SKIL: variants seen among roughly 807,000 people sequenced by gnomAD.
SKIL encodes the protein ski-like protein.
In SKIL, 20 loss-of-function variants were observed where a neutral mutation model predicts 69.6. The ratio of observed to expected loss-of-function variants is 0.29; its 90% CI spans 0.20 to 0.42. SKIL has a LOEUF of 0.42. Among genes scored for constraint, SKIL ranks in the 10% least tolerant of loss-of-function variants. The pLI is 1.00. For missense variants in SKIL, 745 were observed against 783.1 expected (o/e 0.95, Z 0.58); for synonymous variants, 310 against 279.9 (o/e 1.11, Z -1.08).
chr3:170,365,558 GAT>G (rs1736459518), intron 2 of SKIL, among the ~76,000 whole-genome samples: 1 of 152,048 alleles, frequency 6.6e-6, no homozygotes, highest in South Asian at 2.1e-4. Context: ...TCTGATAAGG[GAT>G]ATTCAGCCTC....
rs570953900 is a variant in SKIL, at chr3:170,389,615, G to GA, written c.1430-604dup. Among the ~76,000 whole-genome samples, 340 of 152,248 alleles carry GA rather than the reference G, an allele frequency of 2.2e-3. 1 individual carries two copies. Among genetic ancestry groups the GA allele is most frequent in the African/African-American group, 8.0e-3 (331 of 41,556 alleles). On this transcript the variant is annotated intron_variant, in intron 4 of 6. Coordinates refer to ENST00000259119, the MANE Select transcript of SKIL (RefSeq NM_005414.5). ...AGGCGTGAGCCACCGCGCCTGGCCA[G>GA]AAAAGATTATTCTTTCCTGACTGAA...
intron 5 of SKIL, 22 bp from the exon 6 acceptor site, chr3:170,391,009 CTTGTA>C (rs1335326788): frequency 8.2e-7 from 1 of 1,225,854 alleles, no homozygotes; most frequent in Non-Finnish European, 1.2e-6. Flanking sequence ...TAAAGTAAAA[CTTGTA>C]TTGTGATTCT....
At chr3:170,367,780 T>G (rs11709437) in intron 2 of SKIL, among the ~76,000 whole-genome samples, 116,770 of 152,040 alleles carry the variant, frequency 0.77, 45,648 homozygotes, top group East Asian at 0.94. Context: ...AAATTTAAAC[T>G]TTTAACATTT....
Position 170,394,233 on chromosome 3 carries a change from TCTC to T in SKIL, c.*1819_*1821del. The T allele has an allele frequency of 6.7e-6, 1 of 148,318 alleles. No individual in the cohort carries two copies. Among genetic ancestry groups the T allele is most frequent in the East Asian group, 2.0e-4 (1 of 4,954 alleles). 9.2% of individuals were successfully genotyped at this position (148,318 alleles called of 1,614,324 possible). A position where few individuals can be genotyped will look rare whatever the true frequency, so the allele number is the denominator to read the frequency against. Reference sequence around the variant, plus strand: ...GCTCTGCCTCCTGGGTTCAAGCCATTCTCCTGCCTCAGCCTCCCGAGTAGCTGG... The same window carrying T: ...GCTCTGCCTCCTGGGTTCAAGCCATTCTGCCTCAGCCTCCCGAGTAGCTGG... On this transcript the variant is annotated 3_prime_UTR_variant, in exon 7 of 7. Coordinates refer to ENST00000259119, the MANE Select transcript of SKIL (RefSeq NM_005414.5).
rs987792517 is a variant in SKIL at position 170,357,780 on chromosome 3, C to T, written c.-634+17C>T. On this transcript the variant is annotated intron_variant, in intron 1 of 6. Transcript: ENST00000259119. Reference sequence around the variant, plus strand: ...CGGGCACAGGTGCGGCTCCGGCTTACGGCGGCGACGCGGCGGAGGCGGCGG... The same window carrying T: ...CGGGCACAGGTGCGGCTCCGGCTTATGGCGGCGACGCGGCGGAGGCGGCGG... The T allele has an allele frequency of 2.5e-5, 4 of 162,144 alleles. No homozygotes were observed. The highest frequency in any genetic ancestry group is 5.3e-5 in the Non-Finnish European group (4 of 76,112). The allele number at this position is 162,144 out of a possible 1,614,324, so 10.0% of individuals were successfully genotyped here.
At position 170,361,891 on chromosome 3, in the gene SKIL, T is replaced by G. The variant is rs571103770; in HGVS notation, c.1098+462T>G. The stretch of plus-strand genomic sequence containing the variant: ...TGAGCCCCTGTGTCCAGCCAGGGCT[T>G]CTTTTTCTTATCCTCTTTGGCACAC... On this transcript the variant is annotated intron_variant, in intron 2 of 6. Coordinates refer to ENST00000259119, the MANE Select transcript of SKIL (RefSeq NM_005414.5). Among the ~76,000 whole-genome samples the G allele has an allele frequency of 3.3e-4, 51 of 152,250 alleles. 1 individual carries two copies. In the South Asian group the frequency reaches 0.01, roughly 31 times the overall value.
At chr3:170,364,311 CTTTTTTTTTTTTTTT>C (rs34818157) in intron 2 of SKIL, among the ~76,000 whole-genome samples, 1 of 59,974 alleles carries the variant, frequency 1.7e-5, no homozygotes, top group African/African-American at 5.7e-5. Flanking sequence ...TTGCTCCCGT[CTTTTTTTTTTTTTTT>C]TTTTTTTTTT....
chr3:170,366,696 G>GACACACAGACAC (rs57637265), intron 2 of SKIL, among the ~76,000 whole-genome samples: 82,574 of 147,578 alleles, frequency 0.56, 24,687 homozygotes, highest in East Asian at 0.78. Flanking sequence ...CACACACACA[G>GACACACAGACAC]ACACACACAC....
chr3:170,365,161 A>G (rs1736437306), intron 2 of SKIL, among the ~76,000 whole-genome samples: 1 of 152,002 alleles, frequency 6.6e-6, no homozygotes, highest in African/African-American at 2.4e-5. Flanking sequence ...AGGAAGGTGA[A>G]TGACAATATT....
At chr3:170,375,313 C>T (rs1413805214) in intron 2 of SKIL, among the ~76,000 whole-genome samples, 3 of 152,118 alleles carry the variant, frequency 2.0e-5, no homozygotes, top group African/African-American at 7.2e-5. Flanking sequence ...AATGTGCTAG[C>T]AGTTATTTAA....
chr3:170,363,101 C>G (rs1392660154), intron 2 of SKIL, among the ~76,000 whole-genome samples: 6 of 151,348 alleles, frequency 4.0e-5, no homozygotes, highest in Admixed American at 3.9e-4. Context: ...TAATTCTTAA[C>G]AAGAGGTTGG....
intron 4 of SKIL, among the ~76,000 whole-genome samples, chr3:170,387,759 T>TAAAAAAAAAAAAAAAA (rs748924498): frequency 1.7e-5 from 1 of 57,700 alleles, no homozygotes; most frequent in Non-Finnish European, 4.0e-5. Context: ...CCGTCTCTAC[T>TAAAAAAAAAAAAAAAA]AAAAAAAAAA....
chr3:170,386,103 G>C (rs955125855), intron 4 of SKIL, among the ~76,000 whole-genome samples: 1 of 148,896 alleles, frequency 6.7e-6, no homozygotes, highest in Non-Finnish European at 1.5e-5. Context: ...GCTGATTCTT[G>C]GGTGGGGGTT....
At chr3:170,366,770 C>T (rs1253803280) in intron 2 of SKIL, among the ~76,000 whole-genome samples, 3 of 151,820 alleles carry the variant, frequency 2.0e-5, no homozygotes, top group Non-Finnish European at 4.4e-5. Flanking sequence ...AAGTTACTTA[C>T]CTGATACGAG....
chr3:170,389,561 T>G (rs1286846561), intron 4 of SKIL, among the ~76,000 whole-genome samples: 2 of 150,214 alleles, frequency 1.3e-5, no homozygotes, highest in African/African-American at 2.4e-5. Flanking sequence ...TGATCCGCCC[T>G]TCTCGGCCTC....
In SKIL at chr3:170,392,515, G is replaced by A. The variant is rs1015058896; in HGVS notation, c.*98G>A. Reference sequence around the variant, plus strand: ...ATTCTGAAGAATTTATCTGCATGACGATAACTAGGCATTCTATCCATTTGT... The same window carrying A: ...ATTCTGAAGAATTTATCTGCATGACAATAACTAGGCATTCTATCCATTTGT... On this transcript the variant is annotated 3_prime_UTR_variant, in exon 7 of 7. Coordinates refer to ENST00000259119, the MANE Select transcript of SKIL (RefSeq NM_005414.5). 1.2e-5 allele frequency: 8 copies of A among 661,922 alleles called. No individual in the cohort carries two copies. Among genetic ancestry groups the A allele is most frequent in the African/African-American group, 7.4e-5 (4 of 54,066 alleles). 41.0% of individuals were successfully genotyped at this position (661,922 alleles called of 1,614,324 possible). A position where few individuals can be genotyped will look rare whatever the true frequency, so the allele number is the denominator to read the frequency against.
chr3:170,373,256 T>C (rs1455606924), intron 2 of SKIL, among the ~76,000 whole-genome samples: 1 of 149,056 alleles, frequency 6.7e-6, no homozygotes, highest in African/African-American at 2.5e-5. Flanking sequence ...ACCCTCCACC[T>C]CCTGGGTTCA....
rs752679914 is a variant in SKIL at position 170,391,031 on chromosome 3, T to A, written c.1672-5T>A. On this transcript the variant is annotated splice_polypyrimidine_tract_variant and splice_region_variant and intron_variant, in intron 5 of 6. Coordinates refer to ENST00000259119, the MANE Select transcript of SKIL (RefSeq NM_005414.5). ...AAACTTGTATTGTGATTCTTTACAT[T>A]ACAGGAAGTAAAAATGTTGAGTAGT... The A allele has an allele frequency of 2.1e-6, 3 of 1,449,482 alleles. No individual in the cohort carries two copies. The highest frequency in any genetic ancestry group is 2.4e-5 in the South Asian group (2 of 83,372). 89.8% of individuals were successfully genotyped at this position (1,449,482 alleles called of 1,614,324 possible).
intron 2 of SKIL, among the ~76,000 whole-genome samples, chr3:170,374,060 G>A (rs6783113): frequency 1.9e-3 from 286 of 152,198 alleles, no homozygotes; most frequent in African/African-American, 6.6e-3. Context: ...GATTAGCATC[G>A]TATCACTAAA....
Sources: allele counts gnomAD v4.1 joint callset (sites outside exome capture counted in the v4.1 genomes callset), GRCh38; gene constraint gnomAD v4.1.1; transcripts MANE v1.5; gene names NCBI Gene and HGNC (gene_info 2026-07-23, HGNC 2026-07-21).